FSTL5: variants seen among roughly 807,000 people sequenced by gnomAD.
The protein encoded by FSTL5 is follistatin like 5, also known as follistatin-related protein 5.
In FSTL5, 62 loss-of-function variants were observed where a neutral mutation model predicts 89.1. That is an observed-to-expected ratio of 0.70 (90% confidence interval 0.57 to 0.86). The LOEUF is 0.86. FSTL5 is among the 40% of genes least tolerant of loss of function. The pLI, the probability that FSTL5 is intolerant of heterozygous loss-of-function variation, is 0.00. For missense variants in FSTL5, 1,057 were observed against 1,001.6 expected (o/e 1.06, Z -0.75); for synonymous variants, 383 against 346.2 (o/e 1.11, Z -1.18).
At chr4:162,009,256 C>T (rs181435318) in intron 3 of FSTL5, among the ~76,000 whole-genome samples, 17 of 152,116 alleles carry the variant, frequency 1.1e-4, no homozygotes, top group Non-Finnish European at 2.2e-4. Flanking sequence ...TTAGCAGCAG[C>T]ATTTTAGAAG....
At chr4:161,434,289 A>G (rs1003395559) in intron 15 of FSTL5, among the ~76,000 whole-genome samples, 2 of 152,124 alleles carry the variant, frequency 1.3e-5, no homozygotes, top group African/African-American at 4.8e-5. Flanking sequence ...AAAGGTGCCA[A>G]GAACATACAT....
intron 1 of FSTL5, 79 bp from the exon 2 acceptor site, chr4:162,111,491 C>G (rs1361895914): frequency 8.9e-6 from 10 of 1,125,564 alleles, no homozygotes; most frequent in Non-Finnish European, 1.2e-5. Flanking sequence ...TATTTAATAT[C>G]ACATATAAAT....
At chr4:161,785,161 T>C (rs1201819382) in intron 4 of FSTL5, among the ~76,000 whole-genome samples, 1 of 152,126 alleles carries the variant, frequency 6.6e-6, no homozygotes, top group East Asian at 1.9e-4. Context: ...CTTTTCACCA[T>C]AGAATGGTAA....
chr4:161,742,834 G>C (rs1347818170), intron 6 of FSTL5, among the ~76,000 whole-genome samples: 1 of 152,024 alleles, frequency 6.6e-6, no homozygotes. Flanking sequence ...AAAGCCGATG[G>C]CCATCTTCTT....
At chr4:162,140,913 T>C (rs1401779666) in intron 1 of FSTL5, among the ~76,000 whole-genome samples, 2 of 152,050 alleles carry the variant, frequency 1.3e-5, no homozygotes, top group Non-Finnish European at 2.9e-5. Flanking sequence ...ATTTGTCCTC[T>C]TCAAATCTGA....
chr4:161,400,479 C>A (rs550423207), intron 15 of FSTL5, among the ~76,000 whole-genome samples: 37 of 152,066 alleles, frequency 2.4e-4, no homozygotes, highest in African/African-American at 7.2e-4. Flanking sequence ...CATATAAAGA[C>A]CCATCTTCAA....
At chr4:162,149,419 G>A (rs1733137586) in intron 1 of FSTL5, among the ~76,000 whole-genome samples, 1 of 151,710 alleles carries the variant, frequency 6.6e-6, no homozygotes, top group African/African-American at 2.4e-5. Flanking sequence ...CAAGCCCAGA[G>A]TTCAAGAACA....
chr4:161,593,203 C>A (rs542848361), intron 7 of FSTL5, among the ~76,000 whole-genome samples: 9 of 152,180 alleles, frequency 5.9e-5, no homozygotes, highest in Admixed American at 3.3e-4. Flanking sequence ...GTGTCAGCAT[C>A]TTTTGGTAAA....
At chr4:161,900,146 G>C (rs1029765946) in intron 4 of FSTL5, among the ~76,000 whole-genome samples, 2 of 151,982 alleles carry the variant, frequency 1.3e-5, no homozygotes, top group African/African-American at 4.8e-5. Flanking sequence ...GTGAGCCCAA[G>C]ATCGTGCCAT....
intron 3 of FSTL5, among the ~76,000 whole-genome samples, chr4:162,030,684 T>C (rs1737488288): frequency 6.6e-6 from 1 of 152,124 alleles, no homozygotes; most frequent in Non-Finnish European, 1.5e-5. Context: ...ACAAAGGATA[T>C]TATCATTATG....
At chr4:161,577,230 G>A (rs1053741259) in intron 8 of FSTL5, among the ~76,000 whole-genome samples, 6 of 152,016 alleles carry the variant, frequency 3.9e-5, no homozygotes, top group African/African-American at 1.4e-4. Context: ...TATTAGTCAT[G>A]TGTACTAACT....
intron 2 of FSTL5, among the ~76,000 whole-genome samples, chr4:162,074,589 T>G (rs1026780473): frequency 6.6e-6 from 1 of 151,798 alleles, no homozygotes; most frequent in Non-Finnish European, 1.5e-5. Flanking sequence ...TGTTCCATCA[T>G]CATATGAACT....
In FSTL5 at chr4:161,591,301, C is replaced by A. The variant is rs547426701; in HGVS notation, c.895-3726G>T. Among the ~76,000 whole-genome samples the A allele has an allele frequency of 5.9e-5, 9 of 152,168 alleles. No homozygotes were observed. In the South Asian group the frequency reaches 1.7e-3, roughly 28 times the overall value. On this transcript the variant is annotated intron_variant, in intron 7 of 15. Transcript: ENST00000306100. ...AAGACGGATTTGTGGTAACCAGGGA[C>A]TGAGGGAATGGGGGAGTGGGAAATA... is the stretch of plus-strand genomic sequence containing the variant.
intron 4 of FSTL5, among the ~76,000 whole-genome samples, chr4:161,843,604 C>A (rs1411378082): frequency 6.6e-6 from 1 of 152,020 alleles, no homozygotes; most frequent in African/African-American, 2.4e-5. Context: ...ATATATAGAC[C>A]AATGGACCGG....
chr4:161,540,682 G>C (rs77626740), intron 9 of FSTL5, among the ~76,000 whole-genome samples: 35 of 151,930 alleles, frequency 2.3e-4, no homozygotes, highest in African/African-American at 8.4e-4. Flanking sequence ...TCCCCACCAG[G>C]AGCTACTATC....
rs147188435 is a variant in FSTL5 at position 161,814,176 on chromosome 4, A to G, written c.410-38102T>C. On this transcript the variant is annotated intron_variant, in intron 4 of 15. Transcript: ENST00000306100. ...AAGAAGGGGAAGAAATTACACAGAG[A>G]AGGATAAGAAAATGAAAGTAGAGAG... Among the ~76,000 whole-genome samples, 13 of 152,306 alleles carry G rather than the reference A, an allele frequency of 8.5e-5. No individual in the cohort carries two copies. The East Asian group carries it at 2.5e-3, about 29-fold the overall frequency.
At chr4:161,798,387 G>T in intron 4 of FSTL5, among the ~76,000 whole-genome samples, 1 of 151,338 alleles carries the variant, frequency 6.6e-6, no homozygotes, top group African/African-American at 2.4e-5. Context: ...AATATGGAAA[G>T]TTTATCAACC....
chr4:161,925,490 T>A (rs1486202667), intron 3 of FSTL5, among the ~76,000 whole-genome samples: 1 of 151,842 alleles, frequency 6.6e-6, no homozygotes, highest in Non-Finnish European at 1.5e-5. Flanking sequence ...TTTAGGCAAG[T>A]TACTTAAAAT....
In FSTL5 at chr4:161,593,607, G is replaced by A. The variant is rs113801673; in HGVS notation, c.895-6032C>T. Among the ~76,000 whole-genome samples the A allele has an allele frequency of 9.3e-4, 142 of 151,928 alleles. 2 individuals are homozygous for A. Among genetic ancestry groups the A allele is most frequent in the African/African-American group, 3.3e-3 (138 of 41,456 alleles). On this transcript the variant is annotated intron_variant, in intron 7 of 15. Transcript: ENST00000306100. ...GAGAAGGGGAGGAAAGGGAGGCAAG[G>A]GGAATCATACTGTACACTCTGGCTG...
Sources: gnomAD v4.1 joint callset for allele counts (sites outside exome capture counted in the v4.1 genomes callset) on GRCh38, gnomAD v4.1.1 for gene constraint, MANE v1.5 for transcripts, NCBI Gene and HGNC (gene_info 2026-07-23, HGNC 2026-07-21) for gene names.